FAM135B: variants seen among roughly 807,000 people sequenced by gnomAD.
FAM135B encodes the protein protein FAM135B.
FAM135B carries 43 observed loss-of-function variants against 127.7 expected under a neutral mutation model. The ratio of observed to expected loss-of-function variants is 0.34; its 90% CI spans 0.26 to 0.43. The LOEUF (loss-of-function observed/expected upper bound fraction) is 0.43, where lower values mean the gene tolerates loss of function less well. Ranked by LOEUF, FAM135B falls within the 20% of genes least tolerant of loss-of-function variation. The pLI is 1.00. For missense variants in FAM135B, 1,558 were observed against 1,725.6 expected, an observed-to-expected ratio of 0.90 and a Z score of 1.72; for synonymous variants, 670 against 665.1, an observed-to-expected ratio of 1.01 and a Z score of -0.11.
rs1299258061 is a variant in FAM135B at position 138,152,476 on chromosome 8, C to T, written c.1999G>A (p.Glu667Lys). ...SLKDSHTEEQ[E>K]ELSVLSGVIK... is the part of the protein sequence containing the mutation. ...ACCCCGGATAGCACTGAGAGTTCCT[C>T]CTGCTCTTCTGTGTGAGAGTCCTTT... Residue 667 changes from glutamate to lysine, a missense_variant, in exon 13 of 20, where the codon GAG (glutamate) becomes AAG (lysine). Physicochemically the swap from Glu to Lys is moderately conservative, Grantham distance 56 (BLOSUM62 1). Transcript: ENST00000395297. 1 of 1,614,182 alleles carries T rather than the reference C, an allele frequency of 6.2e-7. No individual in the cohort carries two copies. Among genetic ancestry groups the T allele is most frequent in the Non-Finnish European group, 8.5e-7 (1 of 1,180,040 alleles).
rs554893138 is a variant in FAM135B at position 138,414,387 on chromosome 8, A to G, written c.-19-46385T>C. 2.6e-5 allele frequency among the ~76,000 whole-genome samples: 4 copies of G among 152,140 alleles called. No individual in the cohort carries two copies. In the East Asian group the frequency reaches 7.8e-4, roughly 29 times the overall value. On this transcript the variant is annotated intron_variant, in intron 1 of 19. Transcript: ENST00000395297. ...GAGAACAACTTTGAAACATGAAGAG[A>G]TGTTTTCTTCTAGTACAGACTGTTG...
At chr8:138,237,818 G>T (rs4909408) in intron 7 of FAM135B, among the ~76,000 whole-genome samples, 27,820 of 152,056 alleles carry the variant, frequency 0.18, 2,842 homozygotes, top group Non-Finnish European at 0.23. Flanking sequence ...CTTTAGACTT[G>T]CCAGCCTCCA....
intron 2 of FAM135B, among the ~76,000 whole-genome samples, chr8:138,354,094 T>C (rs1322942208): frequency 6.6e-6 from 1 of 152,102 alleles, no homozygotes; most frequent in African/African-American, 2.4e-5. Context: ...CTGAGCTACC[T>C]TCACCTCTTT....
intron 1 of FAM135B, among the ~76,000 whole-genome samples, chr8:138,395,399 A>C (rs73717253): frequency 0.011 from 1,606 of 152,182 alleles, 28 homozygotes; most frequent in African/African-American, 0.036. Context: ...ACTGTGAGCC[A>C]GAGAGCTACA....
intron 1 of FAM135B, among the ~76,000 whole-genome samples, chr8:138,436,205 A>G (rs904960390): frequency 1.1e-4 from 17 of 152,212 alleles, no homozygotes; most frequent in African/African-American, 4.1e-4. Context: ...AGCAAATGCT[A>G]AAACGATGAG....
At chr8:138,251,721 A>ACCC (rs1563821995) in intron 5 of FAM135B, among the ~76,000 whole-genome samples, 128 of 152,228 alleles carry the variant, frequency 8.4e-4, no homozygotes, top group African/African-American at 2.9e-3. Flanking sequence ...TTGGTGATTA[A>ACCC]AAGAACATTG....
chr8:138,132,889 C>T lies in FAM135B; in HGVS notation c.4016-91G>A. 1 of 1,107,606 alleles carries T rather than the reference C, an allele frequency of 9.0e-7. No individual in the cohort carries two copies. Among genetic ancestry groups the T allele is most frequent in the Non-Finnish European group, 1.4e-6 (1 of 728,806 alleles). The allele number at this position is 1,107,606 out of a possible 1,614,324, so 68.6% of individuals were successfully genotyped here. Reference sequence around the variant, plus strand: ...ACTAGATGTGTGTCGAAATTCTGTTCCTGGGCAGACCTGTTATACAGCAGT... The same window carrying T: ...ACTAGATGTGTGTCGAAATTCTGTTTCTGGGCAGACCTGTTATACAGCAGT... On this transcript the variant is annotated intron_variant, in intron 19 of 19. Coordinates refer to ENST00000395297, the MANE Select transcript of FAM135B (RefSeq NM_015912.4). The surrounding 1 kb of genome is among the most constrained non-coding windows in gnomAD (Gnocchi z 4.5).
At chr8:138,487,299 G>A (rs1395422240) in intron 1 of FAM135B, among the ~76,000 whole-genome samples, 1 of 151,998 alleles carries the variant, frequency 6.6e-6, no homozygotes, top group African/African-American at 2.4e-5. Flanking sequence ...ATTCTTAGCT[G>A]GTCACGGAGG....
intron 15 of FAM135B, among the ~76,000 whole-genome samples, chr8:138,145,020 T>A (rs1026152416): frequency 1.1e-4 from 16 of 151,802 alleles, no homozygotes; most frequent in South Asian, 4.1e-4. Context: ...AGTTTAGTTT[T>A]ATTTTATTTT....
chr8:138,444,959 G>A (rs1587471062), intron 1 of FAM135B, among the ~76,000 whole-genome samples: 3 of 152,128 alleles, frequency 2.0e-5, no homozygotes, highest in Admixed American at 1.3e-4. Flanking sequence ...AATAAAAAAT[G>A]ATAAAGGGGA....
At position 138,175,233 on chromosome 8, in the gene FAM135B, C is replaced by T. The variant is rs186877328; in HGVS notation, c.1103+2114G>A. On this transcript the variant is annotated intron_variant, in intron 11 of 19. Transcript: ENST00000395297. Reference sequence around the variant, plus strand: ...AAAGTCTTTTCCTGGCTGACAAGGCCCCACATGGACTGGTCCCTACTGCCC... The same window carrying T: ...AAAGTCTTTTCCTGGCTGACAAGGCTCCACATGGACTGGTCCCTACTGCCC... Among the ~76,000 whole-genome samples, 198 of 152,238 alleles carry T rather than the reference C, an allele frequency of 1.3e-3. 1 individual carries two copies. The highest frequency in any genetic ancestry group is 6.8e-3 in the Middle Eastern group (2 of 294).
chr8:138,188,593 G>A (rs1035827794), intron 9 of FAM135B, among the ~76,000 whole-genome samples: 2 of 152,154 alleles, frequency 1.3e-5, no homozygotes, highest in African/African-American at 4.8e-5. Flanking sequence ...TGTGACTTGG[G>A]AATGTGTTTC....
At chr8:138,420,231 T>A (rs539223005) in intron 1 of FAM135B, among the ~76,000 whole-genome samples, 2 of 151,894 alleles carry the variant, frequency 1.3e-5, no homozygotes, top group African/African-American at 4.8e-5. Context: ...CCTCTATGCA[T>A]GCAAACTAGA....
chr8:138,356,160 A>C (rs1329217755), intron 2 of FAM135B, among the ~76,000 whole-genome samples: 5 of 152,152 alleles, frequency 3.3e-5, no homozygotes. Flanking sequence ...TGAGAAAATA[A>C]GTGTATGCCA....
intron 3 of FAM135B, among the ~76,000 whole-genome samples, chr8:138,293,662 T>A (rs1825277958): frequency 6.6e-6 from 1 of 152,032 alleles, no homozygotes; most frequent in South Asian, 2.1e-4. Flanking sequence ...ATGTAACTAA[T>A]CATCAGGGAA....
In FAM135B at chr8:138,346,786, C is replaced by G. The variant is rs563410830; in HGVS notation, c.77+21121G>C. Among the ~76,000 whole-genome samples the G allele has an allele frequency of 6.3e-4, 95 of 151,986 alleles. 1 individual carries two copies. Among genetic ancestry groups the G allele is most frequent in the African/African-American group, 2.2e-3 (90 of 41,302 alleles). The stretch of plus-strand genomic sequence containing the variant: ...CTGTGGCACACATTTACCTATGTAA[C>G]AAAGCTTCACACCCTGCACATGTAC... On this transcript the variant is annotated intron_variant, in intron 2 of 19. Coordinates refer to ENST00000395297, the MANE Select transcript of FAM135B (RefSeq NM_015912.4).
intron 7 of FAM135B, among the ~76,000 whole-genome samples, chr8:138,207,458 C>T (rs1817786413): frequency 6.6e-6 from 1 of 151,988 alleles, no homozygotes; most frequent in Non-Finnish European, 1.5e-5. Context: ...GATCTGCCCA[C>T]CTTGGCCTCC....
In FAM135B at chr8:138,475,419, A is replaced by G. The variant is rs988750848; in HGVS notation, c.-20+21252T>C. ...GACGTCGCCCAAAGCCACAGACTAT[A>G]GAGAGCTCTTAATGAGGCACTATAT... On this transcript the variant is annotated intron_variant, in intron 1 of 19. Coordinates refer to ENST00000395297, the MANE Select transcript of FAM135B (RefSeq NM_015912.4). Among the ~76,000 whole-genome samples, 4 of 152,292 alleles carry G rather than the reference A, an allele frequency of 2.6e-5. No individual in the cohort carries two copies. In the East Asian group the frequency reaches 7.7e-4, roughly 29 times the overall value.
intron 4 of FAM135B, among the ~76,000 whole-genome samples, chr8:138,263,145 A>C (rs12548073): frequency 0.81 from 123,676 of 151,986 alleles, 50,505 homozygotes; most frequent in Non-Finnish European, 0.85. Context: ...AAAATTAAAA[A>C]AAAACAAAAC....
Sources: gnomAD v4.1 joint callset for allele counts (sites outside exome capture counted in the v4.1 genomes callset) on GRCh38, gnomAD v4.1.1 for gene constraint, Gnocchi (gnomAD v3.1) non-coding constraint, MANE v1.5 for transcripts, NCBI Gene and HGNC (gene_info 2026-07-23, HGNC 2026-07-21) for gene names.